Variants in ALMS1 observed in about 807,000 individuals in gnomAD.
ALMS1 encodes the protein centrosome-associated protein ALMS1.
A neutral mutation model predicts 352.2 loss-of-function variants in ALMS1; 271 were observed. The observed-to-expected ratio is 0.77, with a 90% CI of 0.70 to 0.85. The LOEUF is 0.85. Among genes scored for constraint, ALMS1 ranks in the 40% least tolerant of loss-of-function variants. The pLI, the probability that ALMS1 is intolerant of heterozygous loss-of-function variation, is 0.00. For missense variants in ALMS1, 5,445 were observed against 4,870.7 expected (o/e 1.12, Z -3.51); for synonymous variants, 1,865 against 1,761.2 (o/e 1.06, Z -1.48).
At chr2:73,394,640 G>C (rs750165811) in intron 1 of ALMS1, among the ~76,000 whole-genome samples, 1 of 152,044 alleles carries the variant, frequency 6.6e-6, no homozygotes, top group African/African-American at 2.4e-5. Flanking sequence ...GTGAGCCACC[G>C]TGCCTGGCCT....
At chr2:73,476,098 CTA>C (rs1672578193) in intron 9 of ALMS1, among the ~76,000 whole-genome samples, 4 of 152,156 alleles carry the variant, frequency 2.6e-5, no homozygotes, top group Admixed American at 2.0e-4. Flanking sequence ...CTTTCTGTCT[CTA>C]TGAATTTGGC....
intron 10 of ALMS1, among the ~76,000 whole-genome samples, chr2:73,508,739 G>A (rs1447264306): frequency 6.6e-6 from 1 of 152,092 alleles, no homozygotes; most frequent in African/African-American, 2.4e-5. Flanking sequence ...TTCAATTCCT[G>A]AATATCCTTG....
chr2:73,467,699 G>A (rs1341387851), intron 9 of ALMS1, among the ~76,000 whole-genome samples: 1 of 151,946 alleles, frequency 6.6e-6, no homozygotes, highest in East Asian at 1.9e-4. Flanking sequence ...TGTATATCAA[G>A]AGTAGAATAG....
chr2:73,510,362 G>T (rs1278783776), intron 10 of ALMS1, among the ~76,000 whole-genome samples: 1 of 152,146 alleles, frequency 6.6e-6, no homozygotes, highest in Non-Finnish European at 1.5e-5. Context: ...TCTACCTTTG[G>T]TCTTTGCTGT....
chr2:73,455,916 T>A (rs1193966555), intron 9 of ALMS1, among the ~76,000 whole-genome samples: 1 of 152,230 alleles, frequency 6.6e-6, no homozygotes, highest in Non-Finnish European at 1.5e-5. Flanking sequence ...GAAATCCAGC[T>A]ATTTTCAAAT....
chr2:73,395,480 A>C (rs1233005192), intron 1 of ALMS1, among the ~76,000 whole-genome samples: 1 of 152,118 alleles, frequency 6.6e-6, no homozygotes, highest in African/African-American at 2.4e-5. Context: ...TTTAAATTTC[A>C]ATAATGTTTT....
intron 1 of ALMS1, 43 bp downstream of exon 1, chr2:73,386,235 G>A (rs1461637128): frequency 1.4e-5 from 20 of 1,465,940 alleles, no homozygotes; most frequent in Non-Finnish European, 1.7e-5. Context: ...GGCGAGTTGG[G>A]GGTGGAGGCT....
chr2:73,427,908 A>G (rs575580179), intron 6 of ALMS1, among the ~76,000 whole-genome samples: 1 of 152,196 alleles, frequency 6.6e-6, no homozygotes, highest in Admixed American at 6.5e-5. Flanking sequence ...TCCTATGTAT[A>G]AGATTGGTAT....
At chr2:73,517,128 C>T (rs1029071612) in intron 10 of ALMS1, among the ~76,000 whole-genome samples, 6 of 151,372 alleles carry the variant, frequency 4.0e-5, no homozygotes, top group Admixed American at 1.3e-4. Flanking sequence ...GGTAGACATA[C>T]GGTAGAGACT....
chr2:73,452,167 G>T lies in ALMS1; in HGVS notation c.5640G>T (p.Gly1880=). The change falls in exon 8 of 23, where the codon GGG becomes GGT. Residue 1880 remains glycine (G), a synonymous_variant. Transcript: ENST00000613296. ...CTTTGAAAGCAATAGGGGTTCCTGGGCCTGCTGACCAGAAGACTGGGATAC... is the reference window on the plus strand; with the variant it reads ...CTTTGAAAGCAATAGGGGTTCCTGGTCCTGCTGACCAGAAGACTGGGATAC... The part of the protein sequence containing the change: ...EVTLKAIGVP[G]PADQKTGIQI... The T allele has an allele frequency of 1.2e-6, 2 of 1,606,960 alleles. No individual in the cohort carries two copies. The highest frequency in any genetic ancestry group is 1.7e-6 in the Non-Finnish European group (2 of 1,175,916).
In ALMS1 at chr2:73,491,344, C is replaced by T. The variant is rs1314034889; in HGVS notation, c.9385C>T (p.Gln3129Ter). 1 of 1,614,180 alleles carries T rather than the reference C, an allele frequency of 6.2e-7. No individual in the cohort carries two copies. Among genetic ancestry groups the T allele is most frequent in the East Asian group, 2.2e-5 (1 of 44,882 alleles). The change falls in exon 10 of 23, where the codon CAG (glutamine) becomes TAG (stop). Residue 3129 changes from glutamine to a stop codon, truncating the protein, a stop_gained. Transcript: ENST00000613296. LOFTEE classifies it high-confidence loss of function. The stretch of plus-strand genomic sequence containing the variant: ...ATCTTCACTGGATTTCCAAGTCGTA[C>T]AGCCTTCTCTTCCAGACAGTAACAC... ...PKSSLDFQVV[Q>*]PSLPDSNTIT...
Position 73,449,928 on chromosome 2 carries a change from C to G in ALMS1, c.3401C>G (p.Thr1134Ser). Reference sequence around the variant, plus strand: ...GCTCCTGGACTAGCAGACCAGAAGACTGGCACACCAACTGTAACCTCAACT... The same window carrying G: ...GCTCCTGGACTAGCAGACCAGAAGAGTGGCACACCAACTGTAACCTCAACT... ...SVAPGLADQK[T>S]GTPTVTSTSY... Residue 1134 changes from threonine (T) to serine (S), a missense_variant, in exon 8 of 23, where the codon ACT becomes AGT. Thr to Ser is a moderately conservative substitution (Grantham distance 58). Coordinates refer to ENST00000613296, the MANE Select transcript of ALMS1 (RefSeq NM_001378454.1). The G allele has an allele frequency of 4.3e-6, 7 of 1,613,972 alleles. No individual in the cohort carries two copies. Among genetic ancestry groups the G allele is most frequent in the Non-Finnish European group, 5.9e-6 (7 of 1,179,960 alleles).
At chr2:73,530,817 C>G (rs1673894403) in intron 11 of ALMS1, among the ~76,000 whole-genome samples, 1 of 152,244 alleles carries the variant, frequency 6.6e-6, no homozygotes, top group Non-Finnish European at 1.5e-5. Context: ...TCTGTAGGCC[C>G]AACACCACGT....
intron 16 of ALMS1, among the ~76,000 whole-genome samples, chr2:73,592,520 T>C (rs1675455085): frequency 6.6e-6 from 1 of 152,182 alleles, no homozygotes; most frequent in Non-Finnish European, 1.5e-5. Flanking sequence ...GTTTTATCAA[T>C]GTGTGTCTCT....
intron 7 of ALMS1, among the ~76,000 whole-genome samples, chr2:73,445,254 C>A: frequency 6.6e-6 from 1 of 151,926 alleles, no homozygotes; most frequent in East Asian, 1.9e-4. Context: ...TGTGAAAATT[C>A]CAGTTATACT....
chr2:73,430,400 A>G (rs977650272), intron 6 of ALMS1, among the ~76,000 whole-genome samples: 2 of 152,158 alleles, frequency 1.3e-5, no homozygotes, highest in African/African-American at 4.8e-5. Flanking sequence ...TAATAGTTCT[A>G]TATTTTGAAA....
intron 10 of ALMS1, among the ~76,000 whole-genome samples, chr2:73,513,379 G>A (rs1009928240): frequency 6.6e-6 from 1 of 152,120 alleles, no homozygotes; most frequent in Non-Finnish European, 1.5e-5. Flanking sequence ...TCCTCATGCT[G>A]CATAGGCTCA....
chr2:73,531,623 T>A (rs1048789433), intron 11 of ALMS1, among the ~76,000 whole-genome samples: 5 of 152,388 alleles, frequency 3.3e-5, no homozygotes, highest in Non-Finnish European at 5.9e-5. Context: ...ATGTTCAGGT[T>A]ATCTTTATAG....
intron 1 of ALMS1, among the ~76,000 whole-genome samples, chr2:73,407,277 G>A (rs951514119): frequency 3.3e-5 from 5 of 152,050 alleles, no homozygotes; most frequent in South Asian, 2.1e-4. Context: ...TCATTAAGCC[G>A]TTCAGATCTG....
Sources: gnomAD v4.1 joint callset for allele counts (sites outside exome capture counted in the v4.1 genomes callset) on GRCh38, gnomAD v4.1.1 for gene constraint, MANE v1.5 for transcripts, NCBI Gene and HGNC (gene_info 2026-07-23, HGNC 2026-07-21) for gene names.